ZC3H12B: variants seen among roughly 807,000 people sequenced by gnomAD.
The protein encoded by ZC3H12B is probable ribonuclease ZC3H12B.
In ZC3H12B, 7 loss-of-function variants were observed where a neutral mutation model predicts 43.9. The ratio of observed to expected loss-of-function variants is 0.16; its 90% CI spans 0.09 to 0.30. ZC3H12B has a LOEUF of 0.30. ZC3H12B is among the 10% of genes least tolerant of loss of function. The probability of loss-of-function intolerance (pLI) is 1.00; values close to 1 mark genes in which losing one functional copy is unlikely to be tolerated. For synonymous variants in ZC3H12B, 222 were observed against 241.7 expected (o/e 0.92, Z 0.76); for missense variants, 475 against 670.2 (o/e 0.71, Z 3.22).
chrX:65,354,903 A>G, the ZC3H12B span, among the ~76,000 whole-genome samples: 8 of 111,860 alleles, frequency 7.2e-5, no homozygotes, highest in African/African-American at 3.2e-5. Flanking sequence ...CTTGAAGACA[A>G]GATTAGAGAA....
the ZC3H12B span, among the ~76,000 whole-genome samples, chrX:65,119,264 C>G: frequency 3.6e-5 from 4 of 111,477 alleles, no homozygotes; most frequent in Non-Finnish European, 7.5e-5. Flanking sequence ...ACAGTCCCAC[C>G]AACAGTGTAA....
intron 1 of ZC3H12B, among the ~76,000 whole-genome samples, chrX:65,492,862 G>T (rs2068224321): frequency 1.8e-5 from 2 of 111,854 alleles, no homozygotes; most frequent in Admixed American, 9.5e-5. Flanking sequence ...AGCACTTTGA[G>T]AGGCCAAGGC....
At chrX:65,255,190 T>C in the ZC3H12B span, among the ~76,000 whole-genome samples, 13 of 110,938 alleles carry the variant, frequency 1.2e-4, no homozygotes, top group Admixed American at 5.7e-4. Flanking sequence ...GAGGCCAACA[T>C]TGGAAATGGA....
the ZC3H12B span, chrX:65,186,628 C>A: frequency 9.1e-6 from 1 of 109,404 alleles, no homozygotes; most frequent in Non-Finnish European, 1.9e-5. Context: ...ATTTGGTGCA[C>A]CCATCACCCA....
chrX:65,205,760 C>G, the ZC3H12B span, among the ~76,000 whole-genome samples: 1 of 110,747 alleles, frequency 9.0e-6, no homozygotes, highest in African/African-American at 3.3e-5. Context: ...AATTATATAC[C>G]TAGAAAACCC....
At chrX:65,070,208 A>T in the ZC3H12B span, among the ~76,000 whole-genome samples, 5 of 110,894 alleles carry the variant, frequency 4.5e-5, no homozygotes, top group Non-Finnish European at 1.9e-5. Flanking sequence ...GATTTCTTCT[A>T]GAGTGTCTAG....
chrX:65,149,716 A>C, the ZC3H12B span, among the ~76,000 whole-genome samples: 1 of 106,381 alleles, frequency 9.4e-6, no homozygotes, highest in African/African-American at 3.4e-5. Context: ...GTGAGCCGAG[A>C]TCACACCACT....
the ZC3H12B span, among the ~76,000 whole-genome samples, chrX:65,192,432 G>A: frequency 9.0e-6 from 1 of 111,292 alleles, no homozygotes; most frequent in African/African-American, 3.3e-5. Flanking sequence ...TCATGTTTTA[G>A]ATCTTAGATA....
chrX:65,082,703 C>G, the ZC3H12B span, among the ~76,000 whole-genome samples: 1 of 111,131 alleles, frequency 9.0e-6, no homozygotes, highest in African/African-American at 3.3e-5. Context: ...GAAAAGCAAT[C>G]CTACTCAAAC....
intron 3 of ZC3H12B, among the ~76,000 whole-genome samples, chrX:65,428,765 T>C (rs1175331605): frequency 8.9e-6 from 1 of 112,456 alleles, no homozygotes; most frequent in Non-Finnish European, 1.9e-5. Context: ...ATTTCAGCCA[T>C]CTCAGCCTCA....
At chrX:65,488,936 C>A in exon 1 of ZC3H12B, 1 of 1,210,453 alleles carries the variant, frequency 8.3e-7, no homozygotes, top group South Asian at 1.8e-5. Context: ...CTGAGAGTGA[C>A]CCTGAACAGA....
chrX:65,224,412 A>T, the ZC3H12B span, among the ~76,000 whole-genome samples: 1 of 112,427 alleles, frequency 8.9e-6, no homozygotes, highest in African/African-American at 3.2e-5. Context: ...GCCGAATAGG[A>T]ACAGGTCTGG....
chrX:65,497,170 A>T, exon 2 of ZC3H12B: 3 of 1,209,325 alleles, frequency 2.5e-6, no homozygotes, highest in Non-Finnish European at 3.4e-6. Flanking sequence ...AGAGGAATAC[A>T]ACTTGCTGTG....
the ZC3H12B span, among the ~76,000 whole-genome samples, chrX:65,239,939 G>A: frequency 9.0e-6 from 1 of 111,364 alleles, no homozygotes; most frequent in Non-Finnish European, 1.9e-5. Flanking sequence ...TCCACTGAGA[G>A]CTCTGCTGTT....
chrX:65,378,765 C>G (rs764977583), intron 2 of ZC3H12B, among the ~76,000 whole-genome samples: 4 of 112,496 alleles, frequency 3.6e-5, no homozygotes, highest in Non-Finnish European at 5.6e-5. Context: ...GTGTGCCTGC[C>G]AAAGCAGGGT....
chrX:65,188,384 G>GA, the ZC3H12B span, among the ~76,000 whole-genome samples: 1 of 93,136 alleles, frequency 1.1e-5, no homozygotes, highest in East Asian at 3.5e-4. Context: ...TTTTTGAGAA[G>GA]CCTTCAAACT....
chrX:65,428,365 G>T (rs1602422563), intron 3 of ZC3H12B, among the ~76,000 whole-genome samples: 2 of 111,991 alleles, frequency 1.8e-5, no homozygotes, highest in East Asian at 2.8e-4. Flanking sequence ...TTTCCAACTT[G>T]GTTACATTCT....
At chrX:65,450,113 T>A (rs2067450887) in intron 3 of ZC3H12B, among the ~76,000 whole-genome samples, 1 of 108,119 alleles carries the variant, frequency 9.2e-6, no homozygotes, top group Non-Finnish European at 1.9e-5. Context: ...AAGACCAGCC[T>A]GGCCAAGATG....
At chrX:65,294,538 T>G in the ZC3H12B span, among the ~76,000 whole-genome samples, 1 of 111,219 alleles carries the variant, frequency 9.0e-6, no homozygotes, top group Non-Finnish European at 1.9e-5. Flanking sequence ...CCCTAAATGC[T>G]CCACCTAAAG....
Sources: gnomAD v4.1 joint callset for allele counts (sites outside exome capture counted in the v4.1 genomes callset) on GRCh38, gnomAD v4.1.1 for gene constraint, MANE v1.5 for transcripts, NCBI Gene and HGNC (gene_info 2026-07-23, HGNC 2026-07-21) for gene names.